The following BMERB1 variants were observed in gnomAD, a reference collection of about 807,000 sequenced individuals.
The protein encoded by BMERB1 is bMERB domain containing 1.
Under a neutral mutation model 23.6 loss-of-function variants are expected in BMERB1, and 12 were observed. The ratio of observed to expected loss-of-function variants is 0.51; its 90% confidence interval spans 0.33 to 0.82. BMERB1 has a LOEUF of 0.82. BMERB1 is among the 40% of genes least tolerant of loss of function. The pLI, the probability that BMERB1 is intolerant of heterozygous loss-of-function variation, is 0.03. For missense variants in BMERB1, 247 were observed against 255.4 expected, an observed-to-expected ratio of 0.97 and a Z score of 0.22; for synonymous variants, 122 against 96.6, an observed-to-expected ratio of 1.26 and a Z score of -1.54.
chr16:15,503,361 A>G (rs925287748), intron 1 of BMERB1, among the ~76,000 whole-genome samples: 1 of 151,386 alleles, frequency 6.6e-6, no homozygotes, highest in Non-Finnish European at 1.5e-5. Flanking sequence ...GGCTCACTGC[A>G]AACTCCGCCT....
intron 1 of BMERB1, among the ~76,000 whole-genome samples, chr16:15,448,429 A>T (rs2051010192): frequency 6.6e-6 from 1 of 152,196 alleles, no homozygotes; most frequent in East Asian, 1.9e-4. Context: ...GAAGGAAAGA[A>T]GGTCTTCTAA....
At chr16:15,547,411 G>A (rs578129667) in intron 2 of BMERB1, among the ~76,000 whole-genome samples, 5 of 146,962 alleles carry the variant, frequency 3.4e-5, no homozygotes, top group South Asian at 2.2e-4. Context: ...GCAGGATCTC[G>A]GCTCACTGCA....
intron 1 of BMERB1, among the ~76,000 whole-genome samples, chr16:15,495,116 T>G (rs1345037636): frequency 1.3e-5 from 2 of 152,038 alleles, no homozygotes; most frequent in African/African-American, 4.8e-5. Context: ...ACTCCTGACC[T>G]CAAGTGATCC....
intron 1 of BMERB1, among the ~76,000 whole-genome samples, chr16:15,481,225 A>AAT (rs1203948911): frequency 6.6e-6 from 1 of 152,160 alleles, no homozygotes; most frequent in Non-Finnish European, 1.5e-5. Context: ...GCTAAAAAAA[A>AAT]AATAATAATA....
chr16:15,566,738 A>G (rs932697816), intron 2 of BMERB1, among the ~76,000 whole-genome samples: 1 of 152,218 alleles, frequency 6.6e-6, no homozygotes, highest in Non-Finnish European at 1.5e-5. Context: ...TATACTATGC[A>G]GCCACTAAAT....
intron 2 of BMERB1, among the ~76,000 whole-genome samples, chr16:15,518,975 C>G (rs1429150607): frequency 6.6e-6 from 1 of 151,940 alleles, no homozygotes; most frequent in African/African-American, 2.4e-5. Context: ...AACGTCTTCC[C>G]AGCATTTGGA....
intron 1 of BMERB1, among the ~76,000 whole-genome samples, chr16:15,483,734 T>C (rs2051344522): frequency 6.6e-6 from 1 of 152,160 alleles, no homozygotes; most frequent in South Asian, 2.1e-4. Context: ...TATGTAAACT[T>C]GGGCAAGTTA....
intron 1 of BMERB1, among the ~76,000 whole-genome samples, chr16:15,482,639 G>T (rs1048252881): frequency 6.6e-6 from 1 of 152,206 alleles, no homozygotes; most frequent in South Asian, 2.1e-4. Context: ...ACATCTGGAG[G>T]AGGAAATCAC....
chr16:15,454,083 T>A, intron 1 of BMERB1, among the ~76,000 whole-genome samples: 1 of 152,074 alleles, frequency 6.6e-6, no homozygotes, highest in Non-Finnish European at 1.5e-5. Context: ...GGGGGGCACC[T>A]CCCTCCCTAT....
intron 1 of BMERB1, chr16:15,447,993 G>A (rs1035142226): frequency 1.3e-4 from 60 of 445,446 alleles, no homozygotes; most frequent in Admixed American, 1.3e-3. Flanking sequence ...GGGTTCAAGC[G>A]ATTGTCCTGC....
rs372514034 is a variant in BMERB1, at chr16:15,434,780, C to T, written c.106+21C>T. 4.3e-5 allele frequency: 36 copies of T among 828,472 alleles called. No individual in the cohort carries two copies. In the African/African-American group the frequency reaches 1.2e-3, roughly 27 times the overall value. 51.3% of individuals were successfully genotyped at this position (828,472 alleles called of 1,614,324 possible). A position where few individuals can be genotyped will look rare whatever the true frequency, so the allele number is the denominator to read the frequency against. ...GAGAAGTGAGTACTGGGGCGGGGGG[C>T]GGGGGGCCGGGGACAGCTGGGGATC... On this transcript the variant is annotated intron_variant, in intron 1 of 5. Transcript: ENST00000300006.
At chr16:15,551,359 A>G (rs946723616) in intron 2 of BMERB1, among the ~76,000 whole-genome samples, 1 of 152,194 alleles carries the variant, frequency 6.6e-6, no homozygotes, top group Non-Finnish European at 1.5e-5. Flanking sequence ...GAAAAAGGCA[A>G]AGTCCCTTAA....
At chr16:15,502,180 T>G in intron 1 of BMERB1, 1 of 1,033,880 alleles carries the variant, frequency 9.7e-7, no homozygotes, top group South Asian at 1.5e-5. Context: ...CTGAATTACT[T>G]TTGTGTCCTT....
intron 1 of BMERB1, among the ~76,000 whole-genome samples, chr16:15,511,612 G>A (rs1413397508): frequency 6.6e-6 from 1 of 152,118 alleles, no homozygotes; most frequent in African/African-American, 2.4e-5. Context: ...AACTCAAAGA[G>A]GAGAAAATCT....
Position 15,584,339 on chromosome 16 carries a change from C to T in BMERB1, c.502+1101C>T, listed in dbSNP as rs139463357. Among the ~76,000 whole-genome samples the T allele has an allele frequency of 4.8e-4, 73 of 152,076 alleles. 1 individual carries two copies. The East Asian group carries it at 0.012, about 25-fold the overall frequency. ...CTTTGGGAGGCCGAGGCGGGCGGAT[C>T]ACAGGTCAGGAGATCGACACCATCC... On this transcript the variant is annotated intron_variant, in intron 5 of 5. Transcript: ENST00000300006.
chr16:15,480,295 T>A (rs1182470466), intron 1 of BMERB1, among the ~76,000 whole-genome samples: 1 of 151,714 alleles, frequency 6.6e-6, no homozygotes, highest in Non-Finnish European at 1.5e-5. Context: ...TTGTATTTTT[T>A]AGTAGAGACG....
intron 1 of BMERB1, among the ~76,000 whole-genome samples, chr16:15,484,082 T>C (rs781704187): frequency 6.6e-6 from 1 of 152,168 alleles, no homozygotes; most frequent in Non-Finnish European, 1.5e-5. Context: ...CCAGCTTCTT[T>C]AACAGCCAGA....
At chr16:15,546,431 G>A (rs1229187282) in intron 2 of BMERB1, among the ~76,000 whole-genome samples, 1 of 152,082 alleles carries the variant, frequency 6.6e-6, no homozygotes, top group East Asian at 1.9e-4. Flanking sequence ...AAATTGCTTG[G>A]AACAATTGTT....
chr16:15,580,153 A>G (rs1039545455), intron 3 of BMERB1, among the ~76,000 whole-genome samples: 2 of 150,016 alleles, frequency 1.3e-5, no homozygotes, highest in East Asian at 2.0e-4. Flanking sequence ...CTGGAGTGCA[A>G]TGGTGCAATC....
Sources: allele counts gnomAD v4.1 joint callset (sites outside exome capture counted in the v4.1 genomes callset), GRCh38; gene constraint gnomAD v4.1.1; transcripts MANE v1.5; gene names NCBI Gene and HGNC (gene_info 2026-07-23, HGNC 2026-07-21).